DIS3: variants seen among roughly 807,000 people sequenced by gnomAD.
DIS3 encodes exosome complex exonuclease RRP44.
DIS3 carries 103 observed loss-of-function variants against 113.0 expected under a neutral mutation model. The observed-to-expected ratio is 0.91, with a 90% CI of 0.78 to 1.07. The LOEUF (loss-of-function observed/expected upper bound fraction) is 1.07. Ranked by LOEUF, DIS3 falls within the 50% of genes least tolerant of loss-of-function variation. DIS3 has a pLI of 0.00. For missense variants in DIS3, 1,121 were observed against 1,167.1 expected (o/e 0.96, Z 0.58); for synonymous variants, 402 against 394.3 (o/e 1.02, Z -0.23).
intron 14 of DIS3, 106 bp from the exon 15 acceptor site, chr13:72,766,164 T>C (rs939810343): frequency 3.0e-5 from 27 of 892,484 alleles, no homozygotes; most frequent in East Asian, 1.6e-4. Context: ...AAGTGTGTAA[T>C]AGTTGCTCTT....
intron 15 of DIS3, among the ~76,000 whole-genome samples, chr13:72,765,092 A>G (rs2033714271): frequency 6.6e-6 from 1 of 152,198 alleles, no homozygotes; most frequent in African/African-American, 2.4e-5. Context: ...ACCTTAATGT[A>G]AATAAGAGGC....
intron 14 of DIS3, 40 bp from the exon 15 acceptor site, chr13:72,766,098 C>A (rs1490860150): frequency 9.3e-6 from 14 of 1,499,162 alleles, no homozygotes; most frequent in Non-Finnish European, 1.3e-5. Flanking sequence ...GTCAAGCAAG[C>A]CAATAAAAGA....
At position 72,773,785 on chromosome 13, in the gene DIS3, T is replaced by C. The variant is rs2033942095; in HGVS notation, c.1138A>G (p.Ile380Val). 1 of 1,613,950 alleles carries C rather than the reference T, an allele frequency of 6.2e-7. No individual in the cohort carries two copies. Among genetic ancestry groups the C allele is most frequent in the African/African-American group, 1.3e-5 (1 of 74,936 alleles). The change falls in exon 8 of 21, where the codon ATC (isoleucine) becomes GTC (valine). Residue 380 changes from isoleucine to valine, a missense_variant. Around this residue, in one of 3 missense-constraint regions of DIS3, gnomAD observed 861 missense variants for 915.5 expected, o/e 0.94. Transcript: ENST00000377767. ...CTGGTTTCTATGCGAATTCGAGGGA[T>C]TCTCTTATCAGCAGGTGTAAAGAGA... ...RHLFTPADKRIPRIRIETRQA... is the reference protein window; with the variant it reads ...RHLFTPADKRVPRIRIETRQA...
In DIS3 at chr13:72,763,273, C is replaced by T. The variant is rs181748921; in HGVS notation, c.2127+178G>A. 5.1e-3 allele frequency among the ~76,000 whole-genome samples: 777 copies of T among 151,758 alleles called. 9 individuals are homozygous for T. Among genetic ancestry groups the T allele is most frequent in the African/African-American group, 0.017 (704 of 41,342 alleles). ...TGAGCCGAGATCGTGCCACTGCACT[C>T]CAGTCTGGGTGACAGTGAGACCCTG... On this transcript the variant is annotated intron_variant, in intron 16 of 20. Coordinates refer to ENST00000377767, the MANE Select transcript of DIS3 (RefSeq NM_014953.5).
Position 72,755,015 on chromosome 13 carries a change from A to G in DIS3, c.*4780T>C. Reference sequence around the variant, plus strand: ...TTTTGATGCAGAATATTGATTTATAAAATACTGTATCTTTACTGTCCCTTC... The same window carrying G: ...TTTTGATGCAGAATATTGATTTATAGAATACTGTATCTTTACTGTCCCTTC... On this transcript the variant is annotated 3_prime_UTR_variant, in exon 21 of 21. Transcript: ENST00000377767. The G allele has an allele frequency of 3.1e-6, 2 of 649,866 alleles. No homozygotes were observed. Among genetic ancestry groups the G allele is most frequent in the Non-Finnish European group, 5.3e-6 (2 of 379,408 alleles). The allele number at this position is 649,866 out of a possible 1,614,324, so 40.3% of individuals were successfully genotyped here. A position where few individuals can be genotyped will look rare whatever the true frequency, so the allele number is the denominator to read the frequency against.
intron 2 of DIS3, among the ~76,000 whole-genome samples, chr13:72,780,404 AACTT>A (rs2034144121): frequency 6.6e-6 from 1 of 152,020 alleles, no homozygotes; most frequent in South Asian, 2.1e-4. Context: ...CAAAGTATTA[AACTT>A]TTAAAAAGAC....
intron 19 of DIS3, 127 bp downstream of exon 19, chr13:72,761,236 G>T: frequency 8.2e-7 from 1 of 1,214,284 alleles, no homozygotes; most frequent in Non-Finnish European, 1.1e-6. Flanking sequence ...TTTCTGGCAT[G>T]TATTTGGAGA....
Position 72,757,973 on chromosome 13 carries a change from G to C in DIS3, c.*1822C>G. 5.0e-6 allele frequency: 1 copy of C among 198,914 alleles called. No homozygotes were observed. Among genetic ancestry groups the C allele is most frequent in the Non-Finnish European group, 1.0e-5 (1 of 96,140 alleles). The allele number at this position is 198,914 out of a possible 1,614,324, so 12.3% of individuals were successfully genotyped here. On this transcript the variant is annotated 3_prime_UTR_variant, in exon 21 of 21. Transcript: ENST00000377767. Reference sequence around the variant, plus strand: ...ATAGTGTTTATAAAAGTCTACAGTAGTGCACAGTAATATCATGGCCTTCAC... The same window carrying C: ...ATAGTGTTTATAAAAGTCTACAGTACTGCACAGTAATATCATGGCCTTCAC...
intron 13 of DIS3, among the ~76,000 whole-genome samples, chr13:72,769,991 T>C (rs185845561): frequency 3.0e-4 from 46 of 152,312 alleles, no homozygotes; most frequent in Admixed American, 7.2e-4. Context: ...AAAGATAACC[T>C]GGCTCCATTA....
In DIS3 at chr13:72,755,972, G is replaced by A. The variant is rs2033454852; in HGVS notation, c.*3823C>T. 3 of 398,484 alleles carry A rather than the reference G, an allele frequency of 7.5e-6. No individual in the cohort carries two copies. Among genetic ancestry groups the A allele is most frequent in the Non-Finnish European group, 8.8e-6 (2 of 226,086 alleles). 24.7% of individuals were successfully genotyped at this position (398,484 alleles called of 1,614,324 possible). On this transcript the variant is annotated 3_prime_UTR_variant, in exon 21 of 21. Coordinates refer to ENST00000377767, the MANE Select transcript of DIS3 (RefSeq NM_014953.5). The stretch of plus-strand genomic sequence containing the variant: ...GTGGGAGAACCAAGAGAAAAAGTGG[G>A]GCTGGGAGAGTGGAGTTCCCGTAGG...
At position 72,773,759 on chromosome 13, in the gene DIS3, T is replaced by C; in HGVS notation, c.1164A>G (p.Arg388=). The C allele has an allele frequency of 1.9e-6, 3 of 1,614,078 alleles. No individual in the cohort carries two copies. Among genetic ancestry groups the C allele is most frequent in the South Asian group, 2.2e-5 (2 of 91,064 alleles). Residue 388 remains arginine, a synonymous_variant, in exon 8 of 21, where the codon AGA becomes AGG. Transcript: ENST00000377767. ...TCCGTCCTTCTAATGTGGAAGCCTG[T>C]CTGGTTTCTATGCGAATTCGAGGGA... ...KRIPRIRIET[R]QASTLEGRRI...
At position 72,757,627 on chromosome 13, in the gene DIS3, ATGT is replaced by A. The variant is rs2033520331; in HGVS notation, c.*2165_*2167del. 1 of 170,276 alleles carries A rather than the reference ATGT, an allele frequency of 5.9e-6. No homozygotes were observed. Among genetic ancestry groups the A allele is most frequent in the African/African-American group, 2.4e-5 (1 of 41,910 alleles). The allele number at this position is 170,276 out of a possible 1,614,324, so 10.5% of individuals were successfully genotyped here. The stretch of plus-strand genomic sequence containing the variant: ...TTTTTAGTAGAGACGGCGTTTTACC[ATGT>A]TGGCCAGGCTGGTCTCAAACTCCTG... On this transcript the variant is annotated 3_prime_UTR_variant, in exon 21 of 21. Transcript: ENST00000377767.
chr13:72,771,089 G>T lies in DIS3; in HGVS notation c.1662C>A (p.Asp554Glu), dbSNP rs761298713. Residue 554 changes from aspartate (D) to glutamate (E), a missense_variant, in exon 12 of 21, where the codon GAC becomes GAA. Physicochemically the swap from Asp to Glu is conservative, Grantham distance 45 (BLOSUM62 2). This residue lies in a region of DIS3 where 861 missense variants were observed against 915.5 expected (regional missense o/e 0.94). Coordinates refer to ENST00000377767, the MANE Select transcript of DIS3 (RefSeq NM_014953.5). ...AAACCATGCAGAAATACCTGTCCACGTCACATTTTAAGGAACACAAGTTAG... is the reference window on the plus strand; with the variant it reads ...AAACCATGCAGAAATACCTGTCCACTTCACATTTTAAGGAACACAAGTTAG... ...LSSNLCSLKC[D>E]VDRLAFSCIW... 5 of 1,613,102 alleles carry T rather than the reference G, an allele frequency of 3.1e-6. No homozygotes were observed. In the African/African-American group the frequency reaches 6.7e-5, roughly 22 times the overall value.
chr13:72,770,547 G>T (rs2138197330), intron 13 of DIS3, among the ~76,000 whole-genome samples: 1 of 152,298 alleles, frequency 6.6e-6, no homozygotes, highest in South Asian at 2.1e-4. Flanking sequence ...GGTCAAGAAA[G>T]CTGGCAATAA....
At position 72,761,794 on chromosome 13, in the gene DIS3, T is replaced by C. The variant is rs1319976668; in HGVS notation, c.2363A>G (p.His788Arg). ...PIRRYADVIV[H>R]RLLAVAIGAD... is the part of the protein sequence containing the mutation. ...CCCAATAGCCACAGCCAAAAGCCGATGAACAATGACATCTGCGTATCTAGA... is the reference window on the plus strand; with the variant it reads ...CCCAATAGCCACAGCCAAAAGCCGACGAACAATGACATCTGCGTATCTAGA... The change falls in exon 18 of 21, where the codon CAT (histidine) becomes CGT (arginine). Residue 788 changes from histidine to arginine, a missense_variant. Around this residue, in one of 3 missense-constraint regions of DIS3, gnomAD observed 861 missense variants for 915.5 expected, o/e 0.94. Coordinates refer to ENST00000377767, the MANE Select transcript of DIS3 (RefSeq NM_014953.5). 1.9e-6 allele frequency: 3 copies of C among 1,613,280 alleles called. No individual in the cohort carries two copies. Among genetic ancestry groups the C allele is most frequent in the Non-Finnish European group, 2.5e-6 (3 of 1,179,836 alleles).
At chr13:72,777,766 C>G (rs61966329) in intron 3 of DIS3, among the ~76,000 whole-genome samples, 2 of 149,574 alleles carry the variant, frequency 1.3e-5, no homozygotes, top group Non-Finnish European at 3.0e-5. Flanking sequence ...TTTTTTTTTC[C>G]TGTAGAGCTA....
Position 72,759,691 on chromosome 13 carries a change from C to T in DIS3, c.*104G>A. ...AGATGTCTGAAATTATTAAAATGTA[C>T]TTAAAAGTAACAAACTGTATCACAC... is the stretch of plus-strand genomic sequence containing the variant. On this transcript the variant is annotated 3_prime_UTR_variant, in exon 21 of 21. Coordinates refer to ENST00000377767, the MANE Select transcript of DIS3 (RefSeq NM_014953.5). 1.2e-6 allele frequency: 1 copy of T among 852,688 alleles called. No homozygotes were observed. The highest frequency in any genetic ancestry group is 1.8e-6 in the Non-Finnish European group (1 of 552,554). 52.8% of individuals were successfully genotyped at this position (852,688 alleles called of 1,614,324 possible).
intron 8 of DIS3, among the ~76,000 whole-genome samples, chr13:72,773,355 G>A (rs189411638): frequency 2.0e-5 from 3 of 152,162 alleles, no homozygotes; most frequent in East Asian, 3.9e-4. Context: ...CCAGCTAATC[G>A]GGAGGCTGAG....
At position 72,772,789 on chromosome 13, in the gene DIS3, T is replaced by A; in HGVS notation, c.1290A>T (p.Thr430=). ...CATCGTGTTCAAGTAACAAAACTTC[T>A]GTTTCAGTCTCTTTCTCTCCAACAT... ...LGDVGEKETE[T]EVLLLEHDVP... Residue 430 remains threonine, a synonymous_variant, in exon 9 of 21, where the codon ACA becomes ACT. Coordinates refer to ENST00000377767, the MANE Select transcript of DIS3 (RefSeq NM_014953.5). 6.2e-7 allele frequency: 1 copy of A among 1,613,172 alleles called. No individual in the cohort carries two copies. The highest frequency in any genetic ancestry group is 8.5e-7 in the Non-Finnish European group (1 of 1,179,790).
Sources: gnomAD v4.1 joint callset for allele counts (sites outside exome capture counted in the v4.1 genomes callset) on GRCh38, gnomAD v4.1.1 for gene constraint, gnomAD v4.1.1 regional missense constraint, MANE v1.5 for transcripts, NCBI Gene and HGNC (gene_info 2026-07-23, HGNC 2026-07-21) for gene names.